SHCBP1L: variants seen among roughly 807,000 people sequenced by gnomAD.
The protein encoded by SHCBP1L is testicular spindle-associated protein SHCBP1L.
Under a neutral mutation model 62.5 loss-of-function variants are expected in SHCBP1L, and 67 were observed. That is an observed-to-expected ratio of 1.07 (90% confidence interval 0.88 to 1.31). The LOEUF is 1.31. Ranked by LOEUF, SHCBP1L falls within the 40% of genes most tolerant of loss-of-function variation. SHCBP1L has a pLI of 0.00. For missense variants in SHCBP1L, 823 were observed against 809.8 expected (o/e 1.02, Z -0.20); for synonymous variants, 284 against 289.4 (o/e 0.98, Z 0.19).
intron 5 of SHCBP1L, among the ~76,000 whole-genome samples, chr1:182,930,560 T>C (rs1442243496): frequency 2.7e-5 from 1 of 36,372 alleles, no homozygotes; most frequent in South Asian, 9.3e-4. Flanking sequence ...TGTATATATA[T>C]ATATATATAT....
intron 6 of SHCBP1L, among the ~76,000 whole-genome samples, chr1:182,920,584 C>T (rs776331145): frequency 6.6e-5 from 10 of 152,094 alleles, no homozygotes; most frequent in Non-Finnish European, 1.0e-4. Context: ...AAATGACAGA[C>T]AGAATACAGA....
intron 5 of SHCBP1L, among the ~76,000 whole-genome samples, chr1:182,937,415 T>G (rs2101949180): frequency 6.6e-6 from 1 of 152,266 alleles, no homozygotes; most frequent in Non-Finnish European, 1.5e-5. Context: ...GTAATGTGGG[T>G]TTTTTCCTTT....
chr1:182,930,547 GTGTGTATATATA>G (rs1436424333), intron 5 of SHCBP1L, among the ~76,000 whole-genome samples: 1,387 of 92,806 alleles, frequency 0.015, 64 homozygotes, highest in African/African-American at 0.044. Flanking sequence ...GCTTTAGTGT[GTGTGTATATATA>G]TATATATATA....
At chr1:182,907,382 G>A (rs1214647152) in intron 6 of SHCBP1L, among the ~76,000 whole-genome samples, 3 of 148,228 alleles carry the variant, frequency 2.0e-5, no homozygotes, top group African/African-American at 7.4e-5. Flanking sequence ...GCAGTAAGCG[G>A]AGATGGTGCC....
intron 3 of SHCBP1L, 135 bp from the exon 4 acceptor site, chr1:182,939,688 G>T: frequency 1.5e-6 from 1 of 663,360 alleles, no homozygotes; most frequent in Non-Finnish European, 2.4e-6. Context: ...TGACCTTTGA[G>T]TGAACTAAAA....
intron 6 of SHCBP1L, 38 bp from the exon 7 acceptor site, chr1:182,905,687 G>T (rs776350465): frequency 1.9e-6 from 3 of 1,583,438 alleles, no homozygotes; most frequent in Non-Finnish European, 1.7e-6. Context: ...TCAATAATAG[G>T]TTAAACTGAA....
At chr1:182,907,324 T>C (rs1442412259) in intron 6 of SHCBP1L, among the ~76,000 whole-genome samples, 2 of 149,426 alleles carry the variant, frequency 1.3e-5, no homozygotes, top group East Asian at 4.1e-4. Flanking sequence ...TCCCAGCTAC[T>C]AGGGAGGTGG....
At chr1:182,901,586 G>A (rs979993083) in intron 9 of SHCBP1L, among the ~76,000 whole-genome samples, 7 of 152,330 alleles carry the variant, frequency 4.6e-5, no homozygotes, top group Admixed American at 1.3e-4. Flanking sequence ...AGGAGATTAC[G>A]TTGGAGAAAG....
At chr1:182,936,130 G>GTTTTTTTTTTTTTTTTTTTTTTTTTT (rs71127329) in intron 5 of SHCBP1L, among the ~76,000 whole-genome samples, 2 of 63,986 alleles carry the variant, frequency 3.1e-5, no homozygotes, top group Non-Finnish European at 6.4e-5. Context: ...TTTGTTTTTT[G>GTTTTTTTTTTTTTTTTTTTTTTTTTT]TTTTTTTTTT....
At chr1:182,929,475 T>C (rs1413544369) in intron 6 of SHCBP1L, among the ~76,000 whole-genome samples, 172 bp downstream of exon 6, 1 of 152,176 alleles carries the variant, frequency 6.6e-6, no homozygotes, top group East Asian at 1.9e-4. Flanking sequence ...ACTCAGTAAA[T>C]AGTTGTCACC....
intron 2 of SHCBP1L, chr1:182,950,386 G>C (rs1029495488): frequency 2.6e-5 from 4 of 152,168 alleles, no homozygotes; most frequent in African/African-American, 9.7e-5. Context: ...CCAGCACTTT[G>C]GGAGGCTGAG....
intron 6 of SHCBP1L, 68 bp downstream of exon 6, chr1:182,929,579 A>G: frequency 4.0e-6 from 4 of 995,466 alleles, no homozygotes; most frequent in South Asian, 1.8e-5. Context: ...CTCCACCCTC[A>G]GGGAGCTTCT....
At chr1:182,943,022 A>C (rs1651423090) in intron 2 of SHCBP1L, among the ~76,000 whole-genome samples, 3 of 152,242 alleles carry the variant, frequency 2.0e-5, no homozygotes, top group Non-Finnish European at 4.4e-5. Context: ...AAGATAATAA[A>C]TGATCTGCAA....
chr1:182,940,824 A>T (rs1002809321), intron 2 of SHCBP1L, among the ~76,000 whole-genome samples: 1 of 152,112 alleles, frequency 6.6e-6, no homozygotes, highest in Non-Finnish European at 1.5e-5. Context: ...TTGAGATTTC[A>T]TAAAACAGTG....
At chr1:182,932,304 T>TA (rs1229560807) in intron 5 of SHCBP1L, among the ~76,000 whole-genome samples, 1 of 152,042 alleles carries the variant, frequency 6.6e-6, no homozygotes, top group Non-Finnish European at 1.5e-5. Context: ...CTCATGTGGG[T>TA]AATTATCAAG....
intron 5 of SHCBP1L, among the ~76,000 whole-genome samples, chr1:182,937,778 C>A (rs992948542): frequency 4.6e-5 from 7 of 152,086 alleles, no homozygotes; most frequent in African/African-American, 1.7e-4. Context: ...ATTATTAATT[C>A]TTTCTTCCCA....
At position 182,924,701 on chromosome 1, in the gene SHCBP1L, G is replaced by GA. The variant is rs1553245889; in HGVS notation, c.1182+4945dup. Among the ~76,000 whole-genome samples the GA allele has an allele frequency of 2.6e-3, 88 of 33,286 alleles. 1 individual carries two copies. The highest frequency in any genetic ancestry group is 7.0e-3 in the South Asian group (6 of 862). The allele number at this position is 33,286 out of a possible 152,430, so 21.8% of individuals were successfully genotyped here. A position where few individuals can be genotyped will look rare whatever the true frequency, so the allele number is the denominator to read the frequency against. On this transcript the variant is annotated intron_variant, in intron 6 of 9. Transcript: ENST00000367547. ...GAAAGGAAAGGAAAGGAAAGGAAAG[G>GA]AAGAAAGAAAGAAAGAAAGAAAGAA...
chr1:182,906,723 G>C (rs11803958), intron 6 of SHCBP1L, among the ~76,000 whole-genome samples: 1 of 151,976 alleles, frequency 6.6e-6, no homozygotes, highest in Non-Finnish European at 1.5e-5. Context: ...CCGGCCCCCA[G>C]ATAAACAAAA....
chr1:182,927,050 CTATATATATATATATA>C lies in SHCBP1L; in HGVS notation c.1182+2581_1182+2596del, dbSNP rs58308065. On this transcript the variant is annotated intron_variant, in intron 6 of 9. Coordinates refer to ENST00000367547, the MANE Select transcript of SHCBP1L (RefSeq NM_030933.4). ...TTAGAGCCCATGCTCTTAACTAGCA[CTATATATATATATATA>C]TATATATATATATATATATATATAT... Among the ~76,000 whole-genome samples, 347 of 90,492 alleles carry C rather than the reference CTATATATATATATATA, an allele frequency of 3.8e-3. 2 individuals are homozygous for C. The highest frequency in any genetic ancestry group is 4.6e-3 in the Non-Finnish European group (208 of 45,048). 59.4% of individuals were successfully genotyped at this position (90,492 alleles called of 152,430 possible). A position where few individuals can be genotyped will look rare whatever the true frequency, so the allele number is the denominator to read the frequency against.
Sources: allele counts gnomAD v4.1 joint callset (sites outside exome capture counted in the v4.1 genomes callset), GRCh38; gene constraint gnomAD v4.1.1; transcripts MANE v1.5; gene names NCBI Gene and HGNC (gene_info 2026-07-23, HGNC 2026-07-21).